Variants in VPS52 observed in about 807,000 individuals in gnomAD.
VPS52 encodes VPS52 subunit of GARP complex, also known as vacuolar protein sorting-associated protein 52 homolog.
Under a neutral mutation model 98.7 loss-of-function variants are expected in VPS52, and 56 were observed. The ratio of observed to expected loss-of-function variants is 0.57; its 90% CI spans 0.46 to 0.71. The LOEUF (loss-of-function observed/expected upper bound fraction) is 0.71, where lower values mean the gene tolerates loss of function less well. Among genes scored for constraint, VPS52 ranks in the 30% least tolerant of loss-of-function variants. VPS52 has a pLI of 0.00. For synonymous variants in VPS52, 348 were observed against 346.4 expected, an observed-to-expected ratio of 1.00 and a Z score of -0.05; for missense variants, 742 against 925.9, an observed-to-expected ratio of 0.80 and a Z score of 2.58.
At chr6:33,255,462 C>CTTTTTTTTTTTTTTTT in intron 17 of VPS52, among the ~76,000 whole-genome samples, 1 of 117,262 alleles carries the variant, frequency 8.5e-6, no homozygotes, top group Non-Finnish European at 1.7e-5. Context: ...CTACGCCTGG[C>CTTTTTTTTTTTTTTTT]TTTTTTTTTT....
chr6:33,269,251 A>G (rs555471149), intron 5 of VPS52, 62 bp from the exon 6 acceptor site: 14 of 1,595,312 alleles, frequency 8.8e-6, no homozygotes, highest in Middle Eastern at 1.7e-4. Flanking sequence ...GTGGGCCACC[A>G]AAGACTCTTT....
At chr6:33,270,936 G>GC (rs1376613865) in intron 1 of VPS52, among the ~76,000 whole-genome samples, 1 of 129,204 alleles carries the variant, frequency 7.7e-6, no homozygotes, top group East Asian at 2.2e-4. Flanking sequence ...GGGCGACAGA[G>GC]CAAGACTCCG....
chr6:33,268,891 C>A lies in VPS52; in HGVS notation c.548+123G>T. On this transcript the variant is annotated intron_variant, in intron 6 of 19. Coordinates refer to ENST00000445902, the MANE Select transcript of VPS52 (RefSeq NM_022553.6). This position sits in a 1 kb window ranked among gnomAD's most constrained non-coding sequence, Gnocchi z 4.0. ...CATACCTAAAGAAATGGTGGTTAAC[C>A]TGGCTACTAATTTCTAAAAAGCACT... 1 of 1,333,956 alleles carries A rather than the reference C, an allele frequency of 7.5e-7. No individual in the cohort carries two copies. The highest frequency in any genetic ancestry group is 1.0e-6 in the Non-Finnish European group (1 of 975,648). 82.6% of individuals were successfully genotyped at this position (1,333,956 alleles called of 1,614,324 possible). A position where few individuals can be genotyped will look rare whatever the true frequency, so the allele number is the denominator to read the frequency against.
intron 3 of VPS52, 55 bp downstream of exon 3, chr6:33,269,944 T>C: frequency 1.9e-6 from 3 of 1,612,330 alleles, no homozygotes; most frequent in African/African-American, 1.3e-5. Context: ...ACTGTTGTTT[T>C]TCCTTTTGGG....
Position 33,271,697 on chromosome 6 carries a change from C to T in VPS52, c.-22G>A. On this transcript the variant is annotated 5_prime_UTR_variant, in exon 1 of 20. Transcript: ENST00000445902. ...CCATTCCCCGCAGCCTCACTTCCGG[C>T]AACTGTCAGTCCCGGCGAGTCCGTT... 1 of 1,597,362 alleles carries T rather than the reference C, an allele frequency of 6.3e-7. No individual in the cohort carries two copies.
intron 17 of VPS52, among the ~76,000 whole-genome samples, chr6:33,260,634 T>C (rs1035379214): frequency 2.0e-5 from 3 of 152,182 alleles, no homozygotes; most frequent in Non-Finnish European, 4.4e-5. Context: ...TTTTTTTGTG[T>C]GTGTTCTTGC....
chr6:33,270,932 C>G (rs1449494027), intron 1 of VPS52, among the ~76,000 whole-genome samples: 2 of 121,936 alleles, frequency 1.6e-5, no homozygotes, highest in Non-Finnish European at 3.1e-5. Flanking sequence ...GCCTGGGCGA[C>G]AGAGCAAGAC....
intron 17 of VPS52, among the ~76,000 whole-genome samples, chr6:33,257,072 C>T (rs1245309006): frequency 1.3e-5 from 2 of 152,110 alleles, no homozygotes; most frequent in Admixed American, 1.3e-4. Flanking sequence ...CTCTGTTGCC[C>T]AGGCTGGAGT....
chr6:33,263,143 G>A (rs1195889719), intron 17 of VPS52, among the ~76,000 whole-genome samples: 5 of 151,194 alleles, frequency 3.3e-5, no homozygotes, highest in African/African-American at 1.2e-4. Flanking sequence ...TCGCACCTGT[G>A]GTCCCAGCTA....
chr6:33,269,831 T>C lies in VPS52; in HGVS notation c.229-12A>G, dbSNP rs200363713. On this transcript the variant is annotated splice_polypyrimidine_tract_variant and intron_variant, in intron 3 of 19. Transcript: ENST00000445902. ...CGGAGATCTACACCCTGGGAGAACA[T>C]AAAGATGACAGGTCAGAAGGAAGTC... 184 of 1,612,808 alleles carry C rather than the reference T, an allele frequency of 1.1e-4. No homozygotes were observed. The African/African-American group carries it at 1.9e-3, about 17-fold the overall frequency.
Position 33,268,622 on chromosome 6 carries a change from C to T in VPS52, c.576G>A (p.Glu192=), listed in dbSNP as rs1321262549. ...CCTGTAGCTGCTCCAAGAACCTGGGCTCTGTCACTGGAGCCTCCAGAATTG... is the reference window on the plus strand; with the variant it reads ...CCTGTAGCTGCTCCAAGAACCTGGGTTCTGTCACTGGAGCCTCCAGAATTG... The part of the protein sequence containing the change: ...VTAILEAPVT[E]PRFLEQLQEL... The change falls in exon 7 of 20, where the codon GAG becomes GAA. Residue 192 remains glutamate (E), a synonymous_variant. Transcript: ENST00000445902. This position sits in a 1 kb window ranked among gnomAD's most constrained non-coding sequence, Gnocchi z 4.0. The T allele has an allele frequency of 1.2e-6, 2 of 1,608,124 alleles. No individual in the cohort carries two copies. Among genetic ancestry groups the T allele is most frequent in the Admixed American group, 1.7e-5 (1 of 59,900 alleles).
At chr6:33,264,623 G>A in intron 13 of VPS52, 126 bp from the exon 14 acceptor site, 1 of 1,485,814 alleles carries the variant, frequency 6.7e-7, no homozygotes, top group Non-Finnish European at 9.3e-7. Context: ...AGTGGTTGGA[G>A]AAAGGTGAGT....
In VPS52 at chr6:33,266,633, T is replaced by C. The variant is rs1205779338; in HGVS notation, c.1205A>G (p.Glu402Gly). Reference protein sequence around the residue: ...NSCREYLFICEFFVVSGPAAH... With the variant: ...NSCREYLFICGFFVVSGPAAH... ...AGCTGGGCCAGACACAACAAAAAAT[T>C]CACAGATGAAAAGGTATTCGCGGCA... The change falls in exon 12 of 20, where the codon GAA (glutamate) becomes GGA (glycine). Residue 402 changes from glutamate (E) to glycine (G), a missense_variant. Transcript: ENST00000445902. 4 of 1,612,808 alleles carry C rather than the reference T, an allele frequency of 2.5e-6. No individual in the cohort carries two copies. Among genetic ancestry groups the C allele is most frequent in the Non-Finnish European group, 3.4e-6 (4 of 1,179,956 alleles).
chr6:33,251,906 C>T lies in VPS52; in HGVS notation c.1860G>A (p.Glu620=), dbSNP rs1354760593. The change falls in exon 18 of 20, where the codon GAG becomes GAA. Residue 620 remains glutamate, a synonymous_variant. Transcript: ENST00000445902. ...GGLVAFVKEA[E]ALIERGQAER... Reference sequence around the variant, plus strand: ...CAGCCTGTCCACGCTCAATCAAAGCCTCAGCCTCCTTCACAAATGCCACTA... The same window carrying T: ...CAGCCTGTCCACGCTCAATCAAAGCTTCAGCCTCCTTCACAAATGCCACTA... 11 of 1,613,164 alleles carry T rather than the reference C, an allele frequency of 6.8e-6. No individual in the cohort carries two copies. The African/African-American group carries it at 1.1e-4, about 16-fold the overall frequency.
intron 1 of VPS52, among the ~76,000 whole-genome samples, chr6:33,270,814 GGTGGCGGGCGCC>G (rs1201919697): frequency 6.6e-6 from 1 of 152,030 alleles, no homozygotes; most frequent in African/African-American, 2.4e-5. Flanking sequence ...AGCCGGGCGC[GGTGGCGGGCGCC>G]TGTAGTCCCA....
chr6:33,257,998 G>C (rs537472331), intron 17 of VPS52, among the ~76,000 whole-genome samples: 1 of 152,264 alleles, frequency 6.6e-6, no homozygotes, highest in Non-Finnish European at 1.5e-5. Flanking sequence ...TTGGGTGACA[G>C]AGCAAGACTG....
chr6:33,266,203 T>C (rs1031249948), intron 12 of VPS52, among the ~76,000 whole-genome samples: 1 of 142,418 alleles, frequency 7.0e-6, no homozygotes, highest in Admixed American at 7.5e-5. Flanking sequence ...CACTCTGGAG[T>C]GCATGGCTCA....
Position 33,250,744 on chromosome 6 carries a change from G to A in VPS52, c.*97C>T, listed in dbSNP as rs1230125208. 9.3e-6 allele frequency: 14 copies of A among 1,510,132 alleles called. No homozygotes were observed. Among genetic ancestry groups the A allele is most frequent in the Admixed American group, 6.4e-5 (3 of 46,974 alleles). The allele number at this position is 1,510,132 out of a possible 1,614,324, so 93.5% of individuals were successfully genotyped here. A position where few individuals can be genotyped will look rare whatever the true frequency, so the allele number is the denominator to read the frequency against. ...ATGTCAAGGGCCTGGGAAGCAAGGG[G>A]AAAACTGGAAGGGGTACCCCAGGTG... On this transcript the variant is annotated 3_prime_UTR_variant, in exon 20 of 20. Transcript: ENST00000445902.
At chr6:33,263,916 C>T (rs770463796) in intron 15 of VPS52, 37 bp from the exon 16 acceptor site, 2 of 1,613,870 alleles carry the variant, frequency 1.2e-6, no homozygotes, top group South Asian at 2.2e-5. Context: ...CACCAGAAAG[C>T]AAGGTCATCT....
Sources: allele counts gnomAD v4.1 joint callset (sites outside exome capture counted in the v4.1 genomes callset), GRCh38; gene constraint gnomAD v4.1.1; non-coding constraint Gnocchi (gnomAD v3.1); transcripts MANE v1.5; gene names NCBI Gene and HGNC (gene_info 2026-07-23, HGNC 2026-07-21).